Variants in DMWD observed in about 807,000 individuals in gnomAD.
The protein encoded by DMWD is DM1 locus, WD repeat containing.
Under a neutral mutation model 45.8 loss-of-function variants are expected in DMWD, and 19 were observed. The ratio of observed to expected loss-of-function variants is 0.41; its 90% CI spans 0.29 to 0.61. The LOEUF (loss-of-function observed/expected upper bound fraction) is 0.61. Among genes scored for constraint, DMWD ranks in the 20% least tolerant of loss-of-function variants. The pLI, the probability that DMWD is intolerant of heterozygous loss-of-function variation, is 0.25. For missense variants in DMWD, 802 were observed against 965.2 expected, an observed-to-expected ratio of 0.83 and a Z score of 2.24; for synonymous variants, 515 against 440.5, an observed-to-expected ratio of 1.17 and a Z score of -2.12.
rs1382362057 is a variant in DMWD at position 45,786,379 on chromosome 19, C to T, written c.1117G>A (p.Ala373Thr). The change falls in exon 3 of 5, where the codon GCT becomes ACT. Residue 373 changes from alanine (A) to threonine (T), a missense_variant. By Grantham distance (58) the Ala-to-Thr change is moderately conservative. This residue lies in a region of DMWD where 146 missense variants were observed against 212.8 expected (regional missense o/e 0.69). Transcript: ENST00000270223. ...RGHGHKSWVNAVAFDPYTTRA... is the reference protein window; with the variant it reads ...RGHGHKSWVNTVAFDPYTTRA... Reference sequence around the variant, plus strand: ...GTGGTGTAGGGGTCAAAGGCCACAGCGTTGACCCAGGACTTGTGGCCATGG... The same window carrying T: ...GTGGTGTAGGGGTCAAAGGCCACAGTGTTGACCCAGGACTTGTGGCCATGG... 4.3e-6 allele frequency: 7 copies of T among 1,612,874 alleles called. No individual in the cohort carries two copies. Among genetic ancestry groups the T allele is most frequent in the Non-Finnish European group, 5.9e-6 (7 of 1,179,520 alleles).
rs1040188885 is a variant in DMWD at position 45,783,725 on chromosome 19, C to T, written c.*518G>A. ...CATCATCTCCTCCGAAGGGGACAGA[C>T]CCGCTGAGAAAACAGGGAACTTTAG... On this transcript the variant is annotated 3_prime_UTR_variant, in exon 5 of 5. Transcript: ENST00000270223. 6 of 444,828 alleles carry T rather than the reference C, an allele frequency of 1.3e-5. No individual in the cohort carries two copies. Among genetic ancestry groups the T allele is most frequent in the African/African-American group, 1.2e-4 (6 of 48,824 alleles). The allele number at this position is 444,828 out of a possible 1,614,324, so 27.6% of individuals were successfully genotyped here.
chr19:45,788,810 T>A (rs191924437), intron 2 of DMWD, among the ~76,000 whole-genome samples: 3 of 152,070 alleles, frequency 2.0e-5, no homozygotes, highest in South Asian at 2.1e-4. Flanking sequence ...ATGCATGTAG[T>A]CCCAGCTACT....
intron 1 of DMWD, 145 bp from the exon 2 acceptor site, chr19:45,791,232 G>A (rs1185473176): frequency 2.4e-5 from 19 of 779,782 alleles, no homozygotes; most frequent in Middle Eastern, 3.8e-4. Flanking sequence ...TGCGAAGGAC[G>A]GGGCAACCAC....
chr19:45,784,579 G>A, intron 4 of DMWD, 62 bp downstream of exon 4: 1 of 1,613,156 alleles, frequency 6.2e-7, no homozygotes, highest in Non-Finnish European at 8.5e-7. Flanking sequence ...GGAAACTGGA[G>A]CTCCCTTCTA....
rs192597985 is a variant in DMWD at position 45,783,859 on chromosome 19, G to A, written c.*384C>T. ...AGGGCAGCTGGGGTGGGGGCCGGGC[G>A]AGGGCTGGACCACCCCCGGCCCTGC... On this transcript the variant is annotated 3_prime_UTR_variant, in exon 5 of 5. Coordinates refer to ENST00000270223, the MANE Select transcript of DMWD (RefSeq NM_004943.2). 9 of 463,072 alleles carry A rather than the reference G, an allele frequency of 1.9e-5. No homozygotes were observed. Among genetic ancestry groups the A allele is most frequent in the South Asian group, 9.3e-5 (2 of 21,558 alleles). 28.7% of individuals were successfully genotyped at this position (463,072 alleles called of 1,614,324 possible).
rs1338772080 is a variant in DMWD at position 45,783,359 on chromosome 19, G to C, written c.*884C>G. ...CCGGCCTGGGGTGCCTGGGCCTTGA[G>C]AGGGCCAGGCCTGAGAAACTAGGAG... On this transcript the variant is annotated 3_prime_UTR_variant, in exon 5 of 5. Transcript: ENST00000270223. 7 of 388,118 alleles carry C rather than the reference G, an allele frequency of 1.8e-5. No individual in the cohort carries two copies. Among genetic ancestry groups the C allele is most frequent in the Non-Finnish European group, 2.7e-5 (6 of 219,936 alleles). 24.0% of individuals were successfully genotyped at this position (388,118 alleles called of 1,614,324 possible).
chr19:45,790,696 G>A, intron 2 of DMWD: 1 of 442,866 alleles, frequency 2.3e-6, no homozygotes, highest in Non-Finnish European at 4.0e-6. Flanking sequence ...GAAAACCCAA[G>A]GAGTAAAGTA....
intron 2 of DMWD, 72 bp downstream of exon 2, chr19:45,790,833 G>C: frequency 6.6e-7 from 1 of 1,520,244 alleles, no homozygotes; most frequent in Non-Finnish European, 8.9e-7. Flanking sequence ...TCCGCAGGCA[G>C]CTGCATCCTA....
intron 1 of DMWD, among the ~76,000 whole-genome samples, chr19:45,791,997 G>A (rs534136769): frequency 9.7e-4 from 147 of 152,132 alleles, no homozygotes; most frequent in African/African-American, 3.4e-3. Flanking sequence ...CCTGCAGAAT[G>A]CCTGCCACCC....
intron 2 of DMWD, among the ~76,000 whole-genome samples, chr19:45,787,526 G>A (rs565623511): frequency 1.3e-5 from 2 of 152,226 alleles, no homozygotes; most frequent in East Asian, 3.9e-4. Context: ...ACCCTCCCCC[G>A]ATCTTTACTA....
intron 2 of DMWD, among the ~76,000 whole-genome samples, chr19:45,787,952 C>A (rs567616430): frequency 6.6e-6 from 1 of 152,228 alleles, no homozygotes; most frequent in East Asian, 1.9e-4. Context: ...TGGTGGCGGG[C>A]GCCTATAGTC....
rs746578307 is a variant in DMWD, at chr19:45,786,769, CGTT to C, written c.724_726del (p.Asn242del). 1.9e-6 allele frequency: 3 copies of C among 1,614,058 alleles called. No homozygotes were observed. Among genetic ancestry groups the C allele is most frequent in the African/African-American group, 1.3e-5 (1 of 74,950 alleles). ...GGGGCCGAGGCGCAGGGGTGGCTGA[CGTT>C]GTACAGGTACAGGTGGCCACTGGCG... On this transcript the variant is annotated inframe_deletion, in exon 3 of 5. Transcript: ENST00000270223.
Position 45,785,966 on chromosome 19 carries a change from C to G in DMWD, c.1530G>C (p.Val510=). Residue 510 remains valine, a synonymous_variant, in exon 3 of 5, where the codon GTG becomes GTC. Transcript: ENST00000270223. The stretch of plus-strand genomic sequence containing the variant: ...TGAATGGTGTGCCAGGCTCTGCCGC[C>G]ACACCCGGGCCGCCCGCCTTGCCCC... ...AGGGKAGGPG[V]AAEPGTPFSI... 6.3e-7 allele frequency: 1 copy of G among 1,577,362 alleles called. No individual in the cohort carries two copies. The highest frequency in any genetic ancestry group is 8.6e-7 in the Non-Finnish European group (1 of 1,163,726).
At chr19:45,788,913 A>G in intron 2 of DMWD, among the ~76,000 whole-genome samples, 2 of 149,636 alleles carry the variant, frequency 1.3e-5, no homozygotes, top group South Asian at 4.2e-4. Context: ...TGGACGACAG[A>G]GTGAGACCCT....
At position 45,784,146 on chromosome 19, in the gene DMWD, G is replaced by T; in HGVS notation, c.*97C>A. On this transcript the variant is annotated 3_prime_UTR_variant, in exon 5 of 5. Transcript: ENST00000270223. ...GGACTGGAGCAGTCCATCCATCATGGTTAGTCTTGTTAATACGTTGATCTG... is the reference window on the plus strand; with the variant it reads ...GGACTGGAGCAGTCCATCCATCATGTTTAGTCTTGTTAATACGTTGATCTG... The T allele has an allele frequency of 8.8e-7, 1 of 1,130,318 alleles. No individual in the cohort carries two copies. Among genetic ancestry groups the T allele is most frequent in the Non-Finnish European group, 1.3e-6 (1 of 758,060 alleles). 70.0% of individuals were successfully genotyped at this position (1,130,318 alleles called of 1,614,324 possible).
intron 2 of DMWD, among the ~76,000 whole-genome samples, chr19:45,788,548 T>C (rs945147379): frequency 2.6e-5 from 4 of 152,194 alleles, no homozygotes; most frequent in Non-Finnish European, 2.9e-5. Context: ...TTGGAACTCA[T>C]CTACCATCTT....
At chr19:45,789,100 C>T (rs1397286489) in intron 2 of DMWD, among the ~76,000 whole-genome samples, 12 of 152,148 alleles carry the variant, frequency 7.9e-5, no homozygotes, top group Admixed American at 6.6e-4. Context: ...GCCTTAATCA[C>T]CTGCTGACAC....
At position 45,784,042 on chromosome 19, in the gene DMWD, A is replaced by C. The variant is rs747024301; in HGVS notation, c.*201T>G. 1.5e-6 allele frequency: 1 copy of C among 645,918 alleles called. No homozygotes were observed. The highest frequency in any genetic ancestry group is 2.7e-6 in the Non-Finnish European group (1 of 364,102). 40.0% of individuals were successfully genotyped at this position (645,918 alleles called of 1,614,324 possible). A position where few individuals can be genotyped will look rare whatever the true frequency, so the allele number is the denominator to read the frequency against. On this transcript the variant is annotated 3_prime_UTR_variant, in exon 5 of 5. Transcript: ENST00000270223. ...TTGTACTTGGCAGTGGGTGGGGGAC[A>C]AGGCTGAGGCCACAAGGGCTATTAC... is the stretch of plus-strand genomic sequence containing the variant.
Position 45,784,096 on chromosome 19 carries a change from GCCC to G in DMWD, c.*144_*146del, listed in dbSNP as rs1568590705. 1 of 728,200 alleles carries G rather than the reference GCCC, an allele frequency of 1.4e-6. No homozygotes were observed. Among genetic ancestry groups the G allele is most frequent in the South Asian group, 1.5e-5 (1 of 65,138 alleles). 45.1% of individuals were successfully genotyped at this position (728,200 alleles called of 1,614,324 possible). A position where few individuals can be genotyped will look rare whatever the true frequency, so the allele number is the denominator to read the frequency against. On this transcript the variant is annotated 3_prime_UTR_variant, in exon 5 of 5. Transcript: ENST00000270223. ...GCCCGTGTCCGGGCCAGTCTGGGGG[GCCC>G]CCAAATTTTGTGCAGGTGGGGGGAC...
Sources: gnomAD v4.1 joint callset for allele counts (sites outside exome capture counted in the v4.1 genomes callset) on GRCh38, gnomAD v4.1.1 for gene constraint, gnomAD v4.1.1 regional missense constraint, MANE v1.5 for transcripts, NCBI Gene and HGNC (gene_info 2026-07-23, HGNC 2026-07-21) for gene names.